Variants in ST6GALNAC5 observed in about 807,000 individuals in gnomAD.
ST6GALNAC5 encodes ST6 N-acetylgalactosaminide alpha-2,6-sialyltransferase 5.
Under a neutral mutation model 33.6 loss-of-function variants are expected in ST6GALNAC5, and 27 were observed. The ratio of observed to expected loss-of-function variants is 0.80; its 90% CI spans 0.59 to 1.11. The LOEUF is 1.11. Ranked by LOEUF, ST6GALNAC5 falls within the 50% of genes least tolerant of loss-of-function variation. ST6GALNAC5 has a pLI of 0.00. For synonymous variants in ST6GALNAC5, 194 were observed against 171.2 expected (o/e 1.13, Z -1.04); for missense variants, 428 against 454.0 (o/e 0.94, Z 0.52).
chr1:76,986,193 A>G (rs770715042), intron 2 of ST6GALNAC5, among the ~76,000 whole-genome samples: 3 of 152,224 alleles, frequency 2.0e-5, no homozygotes, highest in African/African-American at 7.2e-5. Flanking sequence ...GAGCTTCCGC[A>G]CAGCAAAAGA....
chr1:77,015,666 G>A (rs1378442544), intron 2 of ST6GALNAC5, among the ~76,000 whole-genome samples: 1 of 152,126 alleles, frequency 6.6e-6, no homozygotes, highest in African/African-American at 2.4e-5. Flanking sequence ...TGGGGGTTCA[G>A]AGGAGGGGCA....
intron 2 of ST6GALNAC5, among the ~76,000 whole-genome samples, chr1:76,981,801 G>A (rs918287973): frequency 2.6e-5 from 4 of 152,164 alleles, no homozygotes; most frequent in African/African-American, 9.7e-5. Context: ...GAAGGATCAG[G>A]CAGCAATATT....
At chr1:77,033,941 G>A (rs955080493) in intron 2 of ST6GALNAC5, among the ~76,000 whole-genome samples, 9 of 152,120 alleles carry the variant, frequency 5.9e-5, no homozygotes, top group African/African-American at 1.2e-4. Context: ...TGGCAGCTGC[G>A]CAGAGAATGA....
chr1:76,933,500 T>A (rs1360576271), intron 2 of ST6GALNAC5, among the ~76,000 whole-genome samples: 1 of 151,346 alleles, frequency 6.6e-6, no homozygotes, highest in Non-Finnish European at 1.5e-5. Context: ...TGAAGAGAGG[T>A]GATGGACAAA....
chr1:76,958,312 A>G (rs190214612), intron 2 of ST6GALNAC5, among the ~76,000 whole-genome samples: 19 of 152,312 alleles, frequency 1.2e-4, no homozygotes, highest in East Asian at 1.2e-3. Flanking sequence ...AAATATCTGT[A>G]AGTGCTTTTT....
intron 2 of ST6GALNAC5, among the ~76,000 whole-genome samples, chr1:76,941,392 A>T (rs1484121926): frequency 6.6e-6 from 1 of 152,048 alleles, no homozygotes; most frequent in African/African-American, 2.4e-5. Flanking sequence ...GGTAATCCAT[A>T]GAGTTTTGCT....
chr1:76,930,380 C>T (rs900831117), intron 2 of ST6GALNAC5, among the ~76,000 whole-genome samples: 1 of 152,020 alleles, frequency 6.6e-6, no homozygotes, highest in Non-Finnish European at 1.5e-5. Flanking sequence ...GTAGAATTAT[C>T]AAAGAAGTAA....
intron 2 of ST6GALNAC5, among the ~76,000 whole-genome samples, chr1:76,916,246 C>G (rs1199436339): frequency 6.6e-6 from 1 of 152,126 alleles, no homozygotes; most frequent in African/African-American, 2.4e-5. Flanking sequence ...TGGACTAAGC[C>G]AGCCTCATCC....
intron 2 of ST6GALNAC5, among the ~76,000 whole-genome samples, chr1:77,013,167 A>G (rs1650703805): frequency 6.6e-6 from 1 of 152,104 alleles, no homozygotes; most frequent in Non-Finnish European, 1.5e-5. Flanking sequence ...CCCCCAACTC[A>G]TGTCCTCTTT....
At chr1:77,005,265 T>TGTG (rs1650356758) in intron 2 of ST6GALNAC5, among the ~76,000 whole-genome samples, 1 of 152,220 alleles carries the variant, frequency 6.6e-6, no homozygotes, top group Non-Finnish European at 1.5e-5. Context: ...CAGGTGCGTC[T>TGTG]GTCACCCCTT....
intron 2 of ST6GALNAC5, among the ~76,000 whole-genome samples, chr1:76,986,763 A>T (rs1317396488): frequency 6.6e-6 from 1 of 152,244 alleles, no homozygotes; most frequent in Non-Finnish European, 1.5e-5. Context: ...GAACCAATCC[A>T]AATGTCCATC....
At chr1:76,937,772 G>A (rs1468340971) in intron 2 of ST6GALNAC5, among the ~76,000 whole-genome samples, 1 of 151,988 alleles carries the variant, frequency 6.6e-6, no homozygotes, top group Non-Finnish European at 1.5e-5. Flanking sequence ...TGACCTGCCT[G>A]GCCAAATAAT....
intron 4 of ST6GALNAC5, among the ~76,000 whole-genome samples, chr1:77,053,309 G>C (rs566105777): frequency 1.4e-4 from 21 of 152,282 alleles, no homozygotes; most frequent in African/African-American, 3.9e-4. Flanking sequence ...GTTTTGTGTG[G>C]TGGCAGAGCT....
In ST6GALNAC5 at chr1:77,030,864, G is replaced by A. The variant is rs899238689; in HGVS notation, c.262-13340G>A. On this transcript the variant is annotated intron_variant, in intron 2 of 4. Coordinates refer to ENST00000477717, the MANE Select transcript of ST6GALNAC5 (RefSeq NM_030965.3). ...CCCAGCCTTCTTGAAGGAGCAGGGG[G>A]CCTCCATCTCTTCTTGCCAGGAATC... is the stretch of plus-strand genomic sequence containing the variant. Among the ~76,000 whole-genome samples the A allele has an allele frequency of 8.8e-4, 134 of 152,170 alleles. 2 individuals are homozygous for A. Among genetic ancestry groups the A allele is most frequent in the African/African-American group, 3.1e-3 (128 of 41,440 alleles).
intron 2 of ST6GALNAC5, among the ~76,000 whole-genome samples, chr1:76,870,059 A>G (rs1416195145): frequency 6.6e-6 from 1 of 152,108 alleles, no homozygotes; most frequent in Non-Finnish European, 1.5e-5. Flanking sequence ...GTGATTATTT[A>G]TTTATTTATT....
chr1:76,966,835 T>C (rs1648510604), intron 2 of ST6GALNAC5, among the ~76,000 whole-genome samples: 1 of 152,262 alleles, frequency 6.6e-6, no homozygotes, highest in Admixed American at 6.5e-5. Flanking sequence ...AAAGGCCTTT[T>C]CTGCATCTAT....
intron 3 of ST6GALNAC5, among the ~76,000 whole-genome samples, chr1:77,047,660 G>C (rs2100466297): frequency 6.6e-6 from 1 of 152,262 alleles, no homozygotes; most frequent in South Asian, 2.1e-4. Context: ...CTTTATAATT[G>C]AATAAGGGTA....
chr1:76,948,023 A>C (rs981070298), intron 2 of ST6GALNAC5, among the ~76,000 whole-genome samples: 4 of 152,160 alleles, frequency 2.6e-5, no homozygotes, highest in African/African-American at 9.6e-5. Flanking sequence ...AGTAACAAAT[A>C]AACCCCAAAG....
Position 76,868,385 on chromosome 1 carries a change from C to A in ST6GALNAC5, c.16-112C>A, listed in dbSNP as rs1455274238. 4.9e-6 allele frequency: 7 copies of A among 1,424,374 alleles called. No individual in the cohort carries two copies. In the African/African-American group the frequency reaches 1.0e-4, roughly 21 times the overall value. The allele number at this position is 1,424,374 out of a possible 1,614,324, so 88.2% of individuals were successfully genotyped here. On this transcript the variant is annotated intron_variant, in intron 1 of 4. Coordinates refer to ENST00000477717, the MANE Select transcript of ST6GALNAC5 (RefSeq NM_030965.3). The surrounding 1 kb of genome is among the most constrained non-coding windows in gnomAD (Gnocchi z 4.3). ...CGTGCGGCGGGGCTGGGGCCCAGGC[C>A]GCCCCAAATCTCCCCCACTAGAGTG... is the stretch of plus-strand genomic sequence containing the variant.
Sources: allele counts gnomAD v4.1 joint callset (sites outside exome capture counted in the v4.1 genomes callset), GRCh38; gene constraint gnomAD v4.1.1; non-coding constraint Gnocchi (gnomAD v3.1); transcripts MANE v1.5; gene names NCBI Gene and HGNC (gene_info 2026-07-23, HGNC 2026-07-21).